The following EDNRB variants were observed in gnomAD, a reference collection of about 807,000 sequenced individuals.
EDNRB encodes Hirschsprung disease 2.
EDNRB carries 18 observed loss-of-function variants against 46.4 expected under a neutral mutation model. The observed-to-expected ratio is 0.39, with a 90% CI of 0.27 to 0.57. EDNRB has a LOEUF of 0.57. EDNRB is among the 20% of genes least tolerant of loss of function. The pLI, the probability that EDNRB is intolerant of heterozygous loss-of-function variation, is 0.61. For missense variants in EDNRB, 434 were observed against 537.5 expected (o/e 0.81, Z 1.90); for synonymous variants, 213 against 204.9 (o/e 1.04, Z -0.34).
chr13:77,908,621 C>G (rs1208589770), intron 1 of EDNRB, among the ~76,000 whole-genome samples: 5 of 151,944 alleles, frequency 3.3e-5, no homozygotes, highest in Non-Finnish European at 5.9e-5. Flanking sequence ...AATGGATTCA[C>G]TTTATTGCAA....
chr13:77,902,938 C>T (rs1444891943), intron 3 of EDNRB, among the ~76,000 whole-genome samples: 1 of 151,828 alleles, frequency 6.6e-6, no homozygotes, highest in African/African-American at 2.4e-5. Flanking sequence ...TTATCTATGC[C>T]ACTGAGATCA....
At chr13:77,934,743 T>G (rs1880510235) in intron 1 of EDNRB, among the ~76,000 whole-genome samples, 1 of 151,894 alleles carries the variant, frequency 6.6e-6, no homozygotes, top group African/African-American at 2.4e-5. Context: ...ACTGAGAAGT[T>G]ATTTCCTTGA....
upstream of EDNRB, chr13:77,918,853 T>TA: frequency 1.5e-6 from 2 of 1,290,902 alleles, no homozygotes; most frequent in South Asian, 5.7e-5. This position sits in a 1 kb window ranked among gnomAD's most constrained non-coding sequence, Gnocchi z 4.5. Context: ...CCAGGAGGGG[T>TA]AAATAATATG....
chr13:77,966,758 A>T lies in EDNRB; in HGVS notation c.-52+8589T>A, dbSNP rs537869505. 3.5e-4 allele frequency among the ~76,000 whole-genome samples: 53 copies of T among 152,210 alleles called. No individual in the cohort carries two copies. In the East Asian group the frequency reaches 8.7e-3, roughly 25 times the overall value. ...GGATGGGGTTTTTGCAGAAGTAAAA[A>T]TTTTTTTATCTCTTATATTTATGAT... is the stretch of plus-strand genomic sequence containing the variant. On this transcript the variant is annotated intron_variant, in intron 1 of 7. Transcript: ENST00000646948.
At chr13:77,901,682 G>T (rs191734004) in intron 3 of EDNRB, among the ~76,000 whole-genome samples, 2 of 151,872 alleles carry the variant, frequency 1.3e-5, no homozygotes, top group Non-Finnish European at 2.9e-5. Flanking sequence ...ATCTAACCTC[G>T]CAAAAAGACA....
At chr13:77,944,590 G>A (rs1880849622) in intron 1 of EDNRB, among the ~76,000 whole-genome samples, 1 of 152,034 alleles carries the variant, frequency 6.6e-6, no homozygotes. Context: ...TATAGTAAAT[G>A]CATAATAGAG....
At chr13:77,956,017 T>C (rs1881228911) in intron 1 of EDNRB, among the ~76,000 whole-genome samples, 1 of 152,182 alleles carries the variant, frequency 6.6e-6, no homozygotes, top group African/African-American at 2.4e-5. Flanking sequence ...TGGGGTCTTT[T>C]GTGGCTCCAA....
rs1878610693 is a variant in EDNRB at position 77,896,130 on chromosome 13, T to G, written c.*2070A>C. The G allele has an allele frequency of 6.3e-6, 1 of 158,476 alleles. No homozygotes were observed. The allele number at this position is 158,476 out of a possible 1,614,324, so 9.8% of individuals were successfully genotyped here. A position where few individuals can be genotyped will look rare whatever the true frequency, so the allele number is the denominator to read the frequency against. The stretch of plus-strand genomic sequence containing the variant: ...AAAGCCACTGAATGCAATTTTATTA[T>G]AAATAATGCAAGTATGCTTTTTGTG... On this transcript the variant is annotated 3_prime_UTR_variant, in exon 7 of 7. Transcript: ENST00000646607.
intron 1 of EDNRB, among the ~76,000 whole-genome samples, chr13:77,958,451 C>T (rs1359255015): frequency 1.3e-5 from 2 of 152,184 alleles, no homozygotes; most frequent in African/African-American, 2.4e-5. Context: ...CAGCTCACTG[C>T]AAGCTCCGCC....
At chr13:77,947,221 T>C (rs1303871037) in intron 1 of EDNRB, among the ~76,000 whole-genome samples, 3 of 152,100 alleles carry the variant, frequency 2.0e-5, no homozygotes, top group South Asian at 2.1e-4. Context: ...ATTGGCACTG[T>C]TTTTGCAATC....
upstream of EDNRB, chr13:77,918,841 G>A: frequency 1.5e-6 from 2 of 1,299,368 alleles, no homozygotes; most frequent in Non-Finnish European, 1.9e-6. This position sits in a 1 kb window ranked among gnomAD's most constrained non-coding sequence, Gnocchi z 4.5. Flanking sequence ...TCCCCCGCGT[G>A]GCCAGGAGGG....
intron 1 of EDNRB, among the ~76,000 whole-genome samples, chr13:77,940,903 G>A (rs1880726673): frequency 6.6e-6 from 1 of 152,194 alleles, no homozygotes; most frequent in South Asian, 2.1e-4. Flanking sequence ...CGAGTTGAAA[G>A]GGATGGGAAC....
chr13:77,931,191 T>C (rs9544640), intron 1 of EDNRB, among the ~76,000 whole-genome samples: 84,525 of 151,918 alleles, frequency 0.56, 24,290 homozygotes, highest in Middle Eastern at 0.67. Context: ...GTTACATGTG[T>C]AGTTGAGACT....
At chr13:77,911,632 A>T (rs563803298) in intron 1 of EDNRB, among the ~76,000 whole-genome samples, 34 of 151,896 alleles carry the variant, frequency 2.2e-4, no homozygotes, top group South Asian at 8.3e-4. Context: ...TTCAAGAATG[A>T]TCCTCTTCTA....
chr13:77,959,167 C>T (rs1368565653), intron 1 of EDNRB, among the ~76,000 whole-genome samples: 1 of 152,112 alleles, frequency 6.6e-6, no homozygotes, highest in East Asian at 1.9e-4. Flanking sequence ...CTTAAATGTC[C>T]CTGTCTGACA....
intron 1 of EDNRB, among the ~76,000 whole-genome samples, chr13:77,913,835 C>T (rs1187586254): frequency 6.6e-6 from 1 of 152,160 alleles, no homozygotes; most frequent in African/African-American, 2.4e-5. Context: ...AGTAGTGGAA[C>T]ACCAGGCTCT....
At chr13:77,904,308 G>A (rs893309764) in intron 1 of EDNRB, among the ~76,000 whole-genome samples, 4 of 151,832 alleles carry the variant, frequency 2.6e-5, no homozygotes, top group South Asian at 2.1e-4. Context: ...TACCGTAACC[G>A]GTCAGACATC....
chr13:77,974,664 C>T (rs997469381), intron 1 of EDNRB, among the ~76,000 whole-genome samples: 2 of 151,956 alleles, frequency 1.3e-5, no homozygotes, highest in Non-Finnish European at 2.9e-5. Context: ...TGCTGCAATT[C>T]TCTCAACCAC....
At chr13:77,963,934 A>C (rs1403349751) in intron 1 of EDNRB, among the ~76,000 whole-genome samples, 1 of 152,222 alleles carries the variant, frequency 6.6e-6, no homozygotes, top group African/African-American at 2.4e-5. Context: ...GAAAAAAACA[A>C]ACAACCCCAT....
Sources: allele counts gnomAD v4.1 joint callset (sites outside exome capture counted in the v4.1 genomes callset), GRCh38; gene constraint gnomAD v4.1.1; non-coding constraint Gnocchi (gnomAD v3.1); transcripts MANE v1.5; gene names NCBI Gene and HGNC (gene_info 2026-07-23, HGNC 2026-07-21).